The following SHISAL1 variants were observed in gnomAD, a reference collection of about 807,000 sequenced individuals.
The protein encoded by SHISAL1 is shisa like 1, also known as protein shisa-like-1.
SHISAL1 carries 9 observed loss-of-function variants against 22.6 expected under a neutral mutation model. That is an observed-to-expected ratio of 0.40 (90% CI 0.24 to 0.70). The LOEUF is 0.70. Ranked by LOEUF, SHISAL1 falls within the 30% of genes least tolerant of loss-of-function variation. The pLI, the probability that SHISAL1 is intolerant of heterozygous loss-of-function variation, is 0.39. For missense variants in SHISAL1, 246 were observed against 270.6 expected (o/e 0.91, Z 0.64); for synonymous variants, 119 against 115.4 (o/e 1.03, Z -0.20).
At chr22:44,304,756 C>T (rs1484887192) in intron 1 of SHISAL1, among the ~76,000 whole-genome samples, 1 of 152,066 alleles carries the variant, frequency 6.6e-6, no homozygotes, top group Non-Finnish European at 1.5e-5. Flanking sequence ...TGGAGAGTGA[C>T]GGGACCCCTG....
At chr22:44,256,264 T>C (rs913991965) in intron 4 of SHISAL1, among the ~76,000 whole-genome samples, 2 of 125,264 alleles carry the variant, frequency 1.6e-5, no homozygotes, top group Admixed American at 9.5e-5. Context: ...GGTCTCAGGC[T>C]CTCGACTCAA....
the SHISAL1 span, among the ~76,000 whole-genome samples, chr22:44,327,248 A>G: frequency 6.4e-3 from 460 of 71,414 alleles, 1 homozygote; most frequent in Non-Finnish European, 0.014. Context: ...GCGCACACAC[A>G]CACACACACA....
At chr22:44,251,618 G>A (rs1194495994) in intron 4 of SHISAL1, among the ~76,000 whole-genome samples, 1 of 152,206 alleles carries the variant, frequency 6.6e-6, no homozygotes, top group Non-Finnish European at 1.5e-5. Flanking sequence ...AAAAGGCAAG[G>A]AGGAGCAAGT....
At chr22:44,315,524 C>A (rs1193581716), upstream of SHISAL1, among the ~76,000 whole-genome samples, 1 of 152,142 alleles carries the variant, frequency 6.6e-6, no homozygotes, top group Non-Finnish European at 1.5e-5. Context: ...CACCTCGTCC[C>A]TTTGAGACCC....
At chr22:44,303,093 G>A (rs1307822239) in intron 1 of SHISAL1, among the ~76,000 whole-genome samples, 2 of 152,060 alleles carry the variant, frequency 1.3e-5, no homozygotes, top group Non-Finnish European at 2.9e-5. Context: ...CTGTGTAACA[G>A]CGTCGTCCTC....
the SHISAL1 span, among the ~76,000 whole-genome samples, chr22:44,330,934 C>T: frequency 3.3e-5 from 5 of 152,044 alleles, no homozygotes; most frequent in Non-Finnish European, 7.4e-5. Flanking sequence ...TCTACCCGTC[C>T]CCTGCGCTGC....
At chr22:44,323,260 A>ACCAT in the SHISAL1 span, among the ~76,000 whole-genome samples, 10 of 109,114 alleles carry the variant, frequency 9.2e-5, no homozygotes, top group South Asian at 1.0e-3. Flanking sequence ...TCATCCATCC[A>ACCAT]CCATCCATCC....
chr22:44,299,697 G>A (rs2055412189), intron 2 of SHISAL1, among the ~76,000 whole-genome samples: 1 of 152,246 alleles, frequency 6.6e-6, no homozygotes, highest in Non-Finnish European at 1.5e-5. Flanking sequence ...AGGAGGTACA[G>A]AGAGACACAG....
Position 44,243,668 on chromosome 22 carries a change from G to A in SHISAL1, c.*6017C>T, listed in dbSNP as rs2147259971. The A allele has an allele frequency of 6.6e-6, 1 of 152,198 alleles. No homozygotes were observed. Among genetic ancestry groups the A allele is most frequent in the East Asian group, 1.9e-4 (1 of 5,184 alleles). 9.4% of individuals were successfully genotyped at this position (152,198 alleles called of 1,614,324 possible). On this transcript the variant is annotated 3_prime_UTR_variant, in exon 5 of 5. Coordinates refer to ENST00000381176, the MANE Select transcript of SHISAL1 (RefSeq NM_001099294.2). ...AACACTGAAGCAAACGTCAATCTAGGGAACAGTTGACATGACACTCCTTTA... is the reference window on the plus strand; with the variant it reads ...AACACTGAAGCAAACGTCAATCTAGAGAACAGTTGACATGACACTCCTTTA...
chr22:44,324,986 TAA>T, the SHISAL1 span, among the ~76,000 whole-genome samples: 3 of 152,170 alleles, frequency 2.0e-5, no homozygotes, highest in Non-Finnish European at 4.4e-5. Flanking sequence ...CTCATGCCTG[TAA>T]TCCCAGCACT....
chr22:44,285,563 G>T lies in SHISAL1; in HGVS notation c.464C>A (p.Ala155Asp), dbSNP rs1231588179. The T allele has an allele frequency of 6.2e-7, 1 of 1,608,562 alleles. No homozygotes were observed. The highest frequency in any genetic ancestry group is 1.1e-5 in the South Asian group (1 of 90,996). The change falls in exon 4 of 5, where the codon GCC (alanine) becomes GAC (aspartate). Residue 155 changes from alanine to aspartate, a missense_variant. Physicochemically the swap from Ala to Asp is moderately radical, Grantham distance 126. This residue lies in a region of SHISAL1 where 136 missense variants were observed against 117.5 expected (regional missense o/e 1.16). Transcript: ENST00000381176. ...TGGGGCCCGCTGACCCGGCCGAGGG[G>T]CCCGAGCGGGGTTCCCCCACCGCCG... The part of the protein sequence containing the change: ...DPRRWGNPAR[A>D]PRPGQRAPQP...
intron 1 of SHISAL1, among the ~76,000 whole-genome samples, chr22:44,308,860 CA>C (rs1348997811): frequency 1.3e-5 from 2 of 152,224 alleles, no homozygotes; most frequent in African/African-American, 4.8e-5. Context: ...GGATGGAGAA[CA>C]AAGGACAAGT....
upstream of SHISAL1, among the ~76,000 whole-genome samples, chr22:44,317,831 C>A (rs1363253742): frequency 6.6e-6 from 1 of 152,254 alleles, no homozygotes. Context: ...TCTGTTGAAT[C>A]CTTCTCTGCT....
chr22:44,274,895 C>G (rs1228698894), intron 4 of SHISAL1, among the ~76,000 whole-genome samples: 2 of 152,196 alleles, frequency 1.3e-5, no homozygotes, highest in African/African-American at 4.8e-5. Context: ...GGGCTCTGTT[C>G]CAGTCCTAAC....
intron 2 of SHISAL1, among the ~76,000 whole-genome samples, chr22:44,300,170 G>T (rs993629899): frequency 2.6e-5 from 4 of 151,756 alleles, no homozygotes; most frequent in African/African-American, 9.7e-5. Flanking sequence ...GACAGAGAGA[G>T]ATAGAGATAC....
At chr22:44,262,152 A>G (rs1385859725) in intron 4 of SHISAL1, among the ~76,000 whole-genome samples, 1 of 152,084 alleles carries the variant, frequency 6.6e-6, no homozygotes, top group Non-Finnish European at 1.5e-5. Flanking sequence ...GAATTGGGGG[A>G]AAAGTTCTTG....
intron 3 of SHISAL1, among the ~76,000 whole-genome samples, chr22:44,286,469 G>A (rs950121273): frequency 3.9e-5 from 6 of 152,268 alleles, no homozygotes; most frequent in Admixed American, 1.3e-4. Context: ...TGGCTCTCCC[G>A]GTGTCAGCCG....
At chr22:44,262,900 C>T (rs1033962839) in intron 4 of SHISAL1, among the ~76,000 whole-genome samples, 1 of 152,162 alleles carries the variant, frequency 6.6e-6, no homozygotes, top group African/African-American at 2.4e-5. Flanking sequence ...ACATCTGTGA[C>T]AATAACCCTT....
chr22:44,289,714 G>T (rs1159734285), intron 3 of SHISAL1, among the ~76,000 whole-genome samples: 4 of 152,240 alleles, frequency 2.6e-5, no homozygotes, highest in Non-Finnish European at 5.9e-5. Flanking sequence ...CCACTCCCCT[G>T]GCCTGCCACG....
Sources: allele counts gnomAD v4.1 joint callset (sites outside exome capture counted in the v4.1 genomes callset), GRCh38; gene constraint gnomAD v4.1.1; regional missense constraint gnomAD v4.1.1; transcripts MANE v1.5; gene names NCBI Gene and HGNC (gene_info 2026-07-23, HGNC 2026-07-21).